Variants in GRIA2 observed in about 807,000 individuals in gnomAD.
The protein encoded by GRIA2 is glutamate receptor 2.
Under a neutral mutation model 97.3 loss-of-function variants are expected in GRIA2, and 14 were observed. That is an observed-to-expected ratio of 0.14 (90% CI 0.10 to 0.23). The LOEUF is 0.23. GRIA2 is among the 10% of genes least tolerant of loss of function. The pLI is 1.00. For missense variants in GRIA2, 558 were observed against 1,069.8 expected (o/e 0.52, Z 6.67); for synonymous variants, 412 against 387.8 (o/e 1.06, Z -0.73).
chr4:157,275,887 T>A (rs1579324190), intron 2 of GRIA2, among the ~76,000 whole-genome samples: 2 of 151,948 alleles, frequency 1.3e-5, no homozygotes. Flanking sequence ...TTAAAGTAGT[T>A]TTTTCCTGTG....
At chr4:157,313,640 CA>C (rs1223338517) in intron 4 of GRIA2, among the ~76,000 whole-genome samples, 1 of 152,132 alleles carries the variant, frequency 6.6e-6, no homozygotes, top group African/African-American at 2.4e-5. Flanking sequence ...ATGATAGTGG[CA>C]CAGCATCAAC....
At chr4:157,331,756 G>C (rs1735057856) in intron 6 of GRIA2, among the ~76,000 whole-genome samples, 1 of 151,930 alleles carries the variant, frequency 6.6e-6, no homozygotes, top group African/African-American at 2.4e-5. Flanking sequence ...GTGGAATTTA[G>C]AGAAAGAGAA....
chr4:157,307,168 T>G (rs746137380), intron 3 of GRIA2, among the ~76,000 whole-genome samples: 1 of 152,190 alleles, frequency 6.6e-6, no homozygotes, highest in Non-Finnish European at 1.5e-5. Flanking sequence ...GAAAATGATC[T>G]CCCAACATTC....
At chr4:157,349,912 T>C in intron 12 of GRIA2, among the ~76,000 whole-genome samples, 1 of 152,170 alleles carries the variant, frequency 6.6e-6, no homozygotes, top group East Asian at 1.9e-4. Context: ...ATCTCTAATG[T>C]CCGTATCATC....
chr4:157,321,224 G>A (rs1381042204), intron 5 of GRIA2, among the ~76,000 whole-genome samples: 1 of 152,136 alleles, frequency 6.6e-6, no homozygotes, highest in Non-Finnish European at 1.5e-5. Context: ...CAGTAAACGT[G>A]TATTGATTAG....
intron 2 of GRIA2, among the ~76,000 whole-genome samples, chr4:157,225,887 T>C (rs1424852933): frequency 6.6e-6 from 1 of 151,948 alleles, no homozygotes; most frequent in Non-Finnish European, 1.5e-5. Flanking sequence ...AGAAAATCAA[T>C]AGCAAATTTT....
At chr4:157,345,847 T>C (rs1735741925) in intron 12 of GRIA2, among the ~76,000 whole-genome samples, 1 of 152,136 alleles carries the variant, frequency 6.6e-6, no homozygotes, top group Non-Finnish European at 1.5e-5. Context: ...ATTCTAAACA[T>C]TGCATTGCCA....
intron 12 of GRIA2, among the ~76,000 whole-genome samples, chr4:157,355,686 A>G (rs1226719736): frequency 4.8e-5 from 4 of 82,948 alleles, no homozygotes; most frequent in African/African-American, 1.0e-4. Context: ...ATTTATTTAT[A>G]TATTTATTTA....
chr4:157,251,898 C>A (rs1731036656), intron 2 of GRIA2, among the ~76,000 whole-genome samples: 1 of 152,038 alleles, frequency 6.6e-6, no homozygotes, highest in African/African-American at 2.4e-5. Context: ...GGTTGCCAGG[C>A]ATTCTTGAGA....
intron 12 of GRIA2, among the ~76,000 whole-genome samples, chr4:157,343,360 G>T (rs2126955792): frequency 6.6e-6 from 1 of 152,094 alleles, no homozygotes; most frequent in Non-Finnish European, 1.5e-5. Context: ...AGATATTTTG[G>T]GGTATTTGAT....
chr4:157,302,135 T>C (rs1733642935), intron 2 of GRIA2, among the ~76,000 whole-genome samples: 2 of 146,490 alleles, frequency 1.4e-5, no homozygotes, highest in South Asian at 4.3e-4. Flanking sequence ...ATCGCACCAC[T>C]GCACTGCACT....
chr4:157,333,319 A>G lies in GRIA2; in HGVS notation c.1121A>G (p.Asn374Ser). 1 of 1,602,086 alleles carries G rather than the reference A, an allele frequency of 6.2e-7. No homozygotes were observed. Among genetic ancestry groups the G allele is most frequent in the Non-Finnish European group, 8.5e-7 (1 of 1,171,518 alleles). Residue 374 changes from asparagine to serine, a missense_variant, in exon 8 of 16, where the codon AAC (asparagine) becomes AGC (serine). Transcript: ENST00000264426. ...GGAAAAAGAATAAACTATACAATTA[A>G]CATCATGGAGCTCAAAACTAATGGG... ...QNGKRINYTI[N>S]IMELKTNGPR... is the part of the protein sequence containing the mutation.
chr4:157,354,376 A>G (rs969185230), intron 12 of GRIA2, among the ~76,000 whole-genome samples: 1 of 152,160 alleles, frequency 6.6e-6, no homozygotes, highest in Non-Finnish European at 1.5e-5. Flanking sequence ...TTTATATGAA[A>G]TGTTTCTTCA....
intron 2 of GRIA2, among the ~76,000 whole-genome samples, chr4:157,232,277 C>A (rs1401807486): frequency 6.6e-6 from 1 of 152,160 alleles, no homozygotes; most frequent in African/African-American, 2.4e-5. Context: ...GGGAGTGAAG[C>A]ATCTCTCATC....
chr4:157,247,177 G>A (rs929744752), intron 2 of GRIA2, among the ~76,000 whole-genome samples: 4 of 152,116 alleles, frequency 2.6e-5, no homozygotes, highest in African/African-American at 9.7e-5. Context: ...TATTCCCTGT[G>A]CCTGGCCTTG....
chr4:157,258,147 C>T (rs1423543032), intron 2 of GRIA2, among the ~76,000 whole-genome samples: 1 of 151,954 alleles, frequency 6.6e-6, no homozygotes, highest in Non-Finnish European at 1.5e-5. Flanking sequence ...GAAATCTGGG[C>T]ACCTTGACAA....
At chr4:157,348,649 C>A (rs1486255392) in intron 12 of GRIA2, among the ~76,000 whole-genome samples, 1 of 152,120 alleles carries the variant, frequency 6.6e-6, no homozygotes, top group Non-Finnish European at 1.5e-5. Context: ...GAACAAAGAT[C>A]TTATCATAGT....
At chr4:157,251,870 T>G (rs1731035631) in intron 2 of GRIA2, among the ~76,000 whole-genome samples, 1 of 152,126 alleles carries the variant, frequency 6.6e-6, no homozygotes, top group African/African-American at 2.4e-5. Flanking sequence ...GTCTGGTAAT[T>G]CTCAAAGTGT....
At chr4:157,346,586 T>C (rs1735774987) in intron 12 of GRIA2, among the ~76,000 whole-genome samples, 1 of 152,152 alleles carries the variant, frequency 6.6e-6, no homozygotes. Flanking sequence ...ACGTTACTCA[T>C]ATCGAAATAG....
Sources: gnomAD v4.1 joint callset for allele counts (sites outside exome capture counted in the v4.1 genomes callset) on GRCh38, gnomAD v4.1.1 for gene constraint, MANE v1.5 for transcripts, NCBI Gene and HGNC (gene_info 2026-07-23, HGNC 2026-07-21) for gene names.